The following ROS1 variants were observed in gnomAD, a reference collection of about 807,000 sequenced individuals.
The protein encoded by ROS1 is ROS proto-oncogene 1, receptor tyrosine kinase.
Under a neutral mutation model 273.5 loss-of-function variants are expected in ROS1, and 263 were observed. That is an observed-to-expected ratio of 0.96 (90% CI 0.87 to 1.06). The LOEUF is 1.06. Among genes scored for constraint, ROS1 ranks in the 50% least tolerant of loss-of-function variants. The pLI is 0.00. For synonymous variants in ROS1, 1,008 were observed against 954.1 expected (o/e 1.06, Z -1.04); for missense variants, 2,833 against 2,751.1 (o/e 1.03, Z -0.67).
chr6:117,403,548 C>T (rs939839976), intron 6 of ROS1, among the ~76,000 whole-genome samples: 4 of 151,714 alleles, frequency 2.6e-5, no homozygotes, highest in Non-Finnish European at 5.9e-5. Flanking sequence ...TATCTTGGGA[C>T]TATTTTTTTT....
rs1779007923 is a variant in ROS1, at chr6:117,353,049, A to G, written c.4244T>C (p.Val1415Ala). The change falls in exon 27 of 44, where the codon GTG (valine) becomes GCG (alanine). Residue 1415 changes from valine (V) to alanine (A), a missense_variant. Val to Ala is a moderately conservative substitution (Grantham distance 64, BLOSUM62 0). Coordinates refer to ENST00000368507, the MANE Select transcript of ROS1 (RefSeq NM_001378902.1). ...KKGNGAIVSQ[V>A]KALRSRHILA... The stretch of plus-strand genomic sequence containing the variant: ...GATATGCCTACTCCTTAGGGCCTTC[A>G]CCTGGGAAACGATGGCCCCATTTCC... The G allele has an allele frequency of 1.9e-6, 3 of 1,614,018 alleles. No individual in the cohort carries two copies. Among genetic ancestry groups the G allele is most frequent in the Non-Finnish European group, 2.5e-6 (3 of 1,179,982 alleles).
intron 20 of ROS1, among the ~76,000 whole-genome samples, 175 bp from the exon 21 acceptor site, chr6:117,365,379 C>T (rs779451427): frequency 1.4e-4 from 21 of 152,178 alleles, no homozygotes; most frequent in Middle Eastern, 3.4e-3. Context: ...TAAAGTGTAT[C>T]CAGCACAGCA....
At position 117,321,284 on chromosome 6, in the gene ROS1, G is replaced by A. The variant is rs201816432; in HGVS notation, c.5734C>T (p.Leu1912=). The change falls in exon 36 of 44, where the codon CTG becomes TTG. Residue 1912 remains leucine, a synonymous_variant. Transcript: ENST00000368507. ...ELRGLAAGVG[L]ANACYAIHTL... is the part of the protein sequence containing the mutation. ...TGTATTGCATAGCAGGCATTAGCCAGGCCTACTCCGGCTGCCAGACCTCGC... is the reference window on the plus strand; with the variant it reads ...TGTATTGCATAGCAGGCATTAGCCAAGCCTACTCCGGCTGCCAGACCTCGC... 1.1e-5 allele frequency: 18 copies of A among 1,613,806 alleles called. No homozygotes were observed. The African/African-American group carries it at 2.4e-4, about 22-fold the overall frequency.
chr6:117,384,564 T>C (rs906752056), intron 16 of ROS1, among the ~76,000 whole-genome samples: 1 of 152,254 alleles, frequency 6.6e-6, no homozygotes, highest in African/African-American at 2.4e-5. Flanking sequence ...AGTACTTTCC[T>C]GATTAAAAAT....
chr6:117,366,065 A>C lies in ROS1; in HGVS notation c.2797+11T>G. The C allele has an allele frequency of 6.3e-7, 1 of 1,599,624 alleles. No homozygotes were observed. The highest frequency in any genetic ancestry group is 8.6e-7 in the Non-Finnish European group (1 of 1,166,882). ...TAGTGGAGTAGGGTAAGCAGGAATG[A>C]AATACTGTACCTGGCAGGGGCTTAA... On this transcript the variant is annotated intron_variant, in intron 19 of 43. Coordinates refer to ENST00000368507, the MANE Select transcript of ROS1 (RefSeq NM_001378902.1).
chr6:117,414,241 C>T (rs1412694093), intron 4 of ROS1, among the ~76,000 whole-genome samples: 1 of 152,038 alleles, frequency 6.6e-6, no homozygotes, highest in East Asian at 1.9e-4. Context: ...ACCTCCCAAA[C>T]CAGATTAGAG....
intron 1 of ROS1, 49 bp downstream of exon 1, chr6:117,425,485 C>T (rs1462611119): frequency 2.0e-5 from 30 of 1,526,250 alleles, no homozygotes; most frequent in Admixed American, 9.5e-5. Context: ...AAGCTGAATG[C>T]TACATGTTCT....
At position 117,341,547 on chromosome 6, in the gene ROS1, A is replaced by G; in HGVS notation, c.4737T>C (p.Asn1579=). The G allele has an allele frequency of 6.2e-7, 1 of 1,613,818 alleles. No individual in the cohort carries two copies. Among genetic ancestry groups the G allele is most frequent in the Non-Finnish European group, 8.5e-7 (1 of 1,179,768 alleles). Residue 1579 remains asparagine, a synonymous_variant, in exon 30 of 44, where the codon AAT becomes AAC. Transcript: ENST00000368507. ...GATAACGGACTGATTCTTTAGGTCC[A>G]TTTGGCTTGTGAGATTCTCTCCAAG... ...IISWRESHKP[N]GPKESVRYQL... is the part of the protein sequence containing the mutation.
intron 18 of ROS1, among the ~76,000 whole-genome samples, chr6:117,377,996 A>C (rs1781476778): frequency 6.6e-6 from 1 of 152,192 alleles, no homozygotes; most frequent in Admixed American, 6.5e-5. Context: ...CCCACACCAA[A>C]GAATGGTGAA....
chr6:117,330,162 C>T (rs1776975506), intron 32 of ROS1, among the ~76,000 whole-genome samples: 1 of 152,220 alleles, frequency 6.6e-6, no homozygotes, highest in South Asian at 2.1e-4. Context: ...ACAGCTTGGT[C>T]CCAAGACTTG....
At chr6:117,410,869 G>C (rs945540578) in intron 4 of ROS1, among the ~76,000 whole-genome samples, 4 of 152,136 alleles carry the variant, frequency 2.6e-5, no homozygotes, top group Admixed American at 6.5e-5. Flanking sequence ...TTTGGGTTTG[G>C]AATTATTTAA....
chr6:117,414,794 C>T (rs1225671387), intron 3 of ROS1, among the ~76,000 whole-genome samples: 2 of 152,204 alleles, frequency 1.3e-5, no homozygotes, highest in Non-Finnish European at 2.9e-5. Context: ...CCAGAAAAAT[C>T]TCAGCAGGCT....
At chr6:117,404,971 T>C (rs993266840) in intron 5 of ROS1, among the ~76,000 whole-genome samples, 4 of 151,304 alleles carry the variant, frequency 2.6e-5, no homozygotes, top group African/African-American at 9.7e-5. Flanking sequence ...CATCTAAACA[T>C]TAGACGTATT....
At chr6:117,397,788 A>G (rs1773617716) in intron 7 of ROS1, among the ~76,000 whole-genome samples, 1 of 152,202 alleles carries the variant, frequency 6.6e-6, no homozygotes, top group Admixed American at 6.5e-5. Flanking sequence ...CTTAAGTGGA[A>G]AAAGAAAGGA....
At chr6:117,369,298 T>G (rs1405050759) in intron 18 of ROS1, among the ~76,000 whole-genome samples, 1 of 152,224 alleles carries the variant, frequency 6.6e-6, no homozygotes, top group East Asian at 1.9e-4. Context: ...ATACATTTTT[T>G]AAGAAGGAAC....
At chr6:117,335,503 G>A (rs1436928853) in intron 32 of ROS1, among the ~76,000 whole-genome samples, 1 of 152,108 alleles carries the variant, frequency 6.6e-6, no homozygotes, top group African/African-American at 2.4e-5. Flanking sequence ...ATACCCAAAG[G>A]AGTATAAATC....
chr6:117,305,352 T>C (rs1775024885), intron 42 of ROS1, among the ~76,000 whole-genome samples: 1 of 152,100 alleles, frequency 6.6e-6, no homozygotes, highest in Non-Finnish European at 1.5e-5. Context: ...AAAGAAACCA[T>C]CCTTACAGCT....
At chr6:117,391,591 T>C (rs1376254248) in intron 12 of ROS1, among the ~76,000 whole-genome samples, 2 of 152,194 alleles carry the variant, frequency 1.3e-5, no homozygotes, top group Non-Finnish European at 2.9e-5. Flanking sequence ...CAATACACTG[T>C]TTCACACATC....
chr6:117,383,635 G>T, intron 16 of ROS1, 127 bp from the exon 17 acceptor site: 1 of 757,314 alleles, frequency 1.3e-6, no homozygotes, highest in Non-Finnish European at 2.2e-6. Context: ...ATAGTGATTG[G>T]CACTATGTGC....
Sources: allele counts gnomAD v4.1 joint callset (sites outside exome capture counted in the v4.1 genomes callset), GRCh38; gene constraint gnomAD v4.1.1; transcripts MANE v1.5; gene names NCBI Gene and HGNC (gene_info 2026-07-23, HGNC 2026-07-21).